Variants in MATN3 observed in about 807,000 individuals in gnomAD.
MATN3 encodes the protein matrilin 3.
Under a neutral mutation model 45.3 loss-of-function variants are expected in MATN3, and 48 were observed. The observed-to-expected ratio is 1.06, with a 90% CI of 0.84 to 1.35. MATN3 has a LOEUF of 1.35. MATN3 is among the 40% of genes most tolerant of loss of function. The pLI is 0.00. For missense variants in MATN3, 599 were observed against 628.0 expected (o/e 0.95, Z 0.49); for synonymous variants, 217 against 245.9 (o/e 0.88, Z 1.10).
At chr2:20,001,095 A>T (rs979435847) in intron 4 of MATN3, among the ~76,000 whole-genome samples, 10 of 152,190 alleles carry the variant, frequency 6.6e-5, no homozygotes, top group Admixed American at 3.3e-4. Flanking sequence ...TTTTACTTTT[A>T]AACTTTTCAT....
intron 2 of MATN3, among the ~76,000 whole-genome samples, chr2:20,005,150 G>T (rs1475960479): frequency 6.6e-6 from 1 of 152,086 alleles, no homozygotes; most frequent in Non-Finnish European, 1.5e-5. Flanking sequence ...ACCCTAATCT[G>T]CCTGGTCCCT....
intron 1 of MATN3, among the ~76,000 whole-genome samples, chr2:20,009,684 T>C (rs1473557591): frequency 6.6e-6 from 1 of 152,146 alleles, no homozygotes; most frequent in African/African-American, 2.4e-5. Context: ...TAGGAAACAT[T>C]TGTCATCTAT....
chr2:19,999,626 TAAAAAAAAAAA>T (rs56100312), intron 5 of MATN3, among the ~76,000 whole-genome samples: 15 of 120,176 alleles, frequency 1.2e-4, no homozygotes, highest in South Asian at 8.5e-4. Context: ...GGTTTCCCTT[TAAAAAAAAAAA>T]AAAAAAAAAA....
intron 1 of MATN3, among the ~76,000 whole-genome samples, chr2:20,010,682 G>A (rs1184062215): frequency 6.6e-6 from 1 of 152,202 alleles, no homozygotes; most frequent in African/African-American, 2.4e-5. Flanking sequence ...GAAGGGAAAT[G>A]CAGTCTCCCC....
intron 1 of MATN3, among the ~76,000 whole-genome samples, chr2:20,008,214 T>G (rs1209530002): frequency 3.9e-5 from 6 of 152,298 alleles, no homozygotes; most frequent in Non-Finnish European, 5.9e-5. Context: ...CCTCCCACCT[T>G]GGCCTCCCAG....
chr2:20,012,307 C>A lies in MATN3; in HGVS notation c.223+102G>T. On this transcript the variant is annotated intron_variant, in intron 1 of 7. Transcript: ENST00000407540. The surrounding 1 kb of genome is among the most constrained non-coding windows in gnomAD (Gnocchi z 4.3). ...TCATCCGGGAGGGGCCTCTTTCCCC[C>A]GCACCACGGTCGGCCTGAGGCCGGG... The A allele has an allele frequency of 2.2e-6, 2 of 916,482 alleles. No individual in the cohort carries two copies. The allele number at this position is 916,482 out of a possible 1,614,324, so 56.8% of individuals were successfully genotyped here.
chr2:20,007,542 G>T lies in MATN3; in HGVS notation c.224-1232C>A, dbSNP rs1673132207. Among the ~76,000 whole-genome samples the T allele has an allele frequency of 2.0e-5, 3 of 152,124 alleles. No homozygotes were observed. In the South Asian group the frequency reaches 6.2e-4, roughly 32 times the overall value. The stretch of plus-strand genomic sequence containing the variant: ...AAGACATCATCTCAAAAAAAAAGTA[G>T]AATGAGGGATGCCAACTTAATCTTG... On this transcript the variant is annotated intron_variant, in intron 1 of 7. Transcript: ENST00000407540.
intron 5 of MATN3, among the ~76,000 whole-genome samples, chr2:19,998,757 A>G (rs1276060417): frequency 8.9e-6 from 1 of 112,004 alleles, no homozygotes; most frequent in Non-Finnish European, 1.9e-5. Flanking sequence ...CCCTGTCTCA[A>G]AAAAGAGAAG....
intron 4 of MATN3, 86 bp downstream of exon 4, chr2:20,001,869 T>C: frequency 7.5e-7 from 1 of 1,334,032 alleles, no homozygotes. Context: ...CACACCAACT[T>C]CCCAGTCAAT....
chr2:20,003,386 A>G, intron 2 of MATN3, 100 bp from the exon 3 acceptor site: 1 of 1,192,486 alleles, frequency 8.4e-7, no homozygotes, highest in Non-Finnish European at 1.1e-6. Context: ...CTCCTTTCCG[A>G]GTCCATCTTT....
chr2:20,007,980 T>A (rs1673145082), intron 1 of MATN3, among the ~76,000 whole-genome samples: 1 of 152,224 alleles, frequency 6.6e-6, no homozygotes, highest in Non-Finnish European at 1.5e-5. Context: ...TTCTTTTTTT[T>A]GAGACGGAGT....
rs780843340 is a variant in MATN3, at chr2:19,997,275, G to A, written c.1169-16C>T. ...TTGTCACGGACTGACCGCACGTGGT[G>A]CAGGAAAGAAAATATTCACACATTA... On this transcript the variant is annotated splice_polypyrimidine_tract_variant and intron_variant, in intron 5 of 7. Coordinates refer to ENST00000407540, the MANE Select transcript of MATN3 (RefSeq NM_002381.5). The A allele has an allele frequency of 7.6e-6, 12 of 1,582,366 alleles. No individual in the cohort carries two copies. Among genetic ancestry groups the A allele is most frequent in the Middle Eastern group, 1.7e-4 (1 of 5,968 alleles).
chr2:20,004,383 G>A (rs1366086406), intron 2 of MATN3, among the ~76,000 whole-genome samples: 1 of 152,208 alleles, frequency 6.6e-6, no homozygotes, highest in Non-Finnish European at 1.5e-5. Flanking sequence ...CATGTTGATG[G>A]AGAGGCTCTC....
chr2:20,005,882 A>G lies in MATN3; in HGVS notation c.652T>C (p.Tyr218His). 6.2e-7 allele frequency: 1 copy of G among 1,609,604 alleles called. No homozygotes were observed. Among genetic ancestry groups the G allele is most frequent in the Non-Finnish European group, 8.5e-7 (1 of 1,177,958 alleles). ...TCTGCCCGGTCCACGCCCACAGCAT[A>G]GAGCTCAATACCAGATGCTTGGGCC... ...ARAQASGIEL[Y>H]AVGVDRADMA... Residue 218 changes from tyrosine (Y) to histidine (H), a missense_variant, in exon 2 of 8, where the codon TAT becomes CAT. Physicochemically the swap from Tyr to His is moderately conservative, Grantham distance 83 (BLOSUM62 2). Transcript: ENST00000407540.
chr2:19,999,678 C>CT (rs979332365), intron 5 of MATN3, among the ~76,000 whole-genome samples: 1 of 150,094 alleles, frequency 6.7e-6, no homozygotes, highest in African/African-American at 2.5e-5. Flanking sequence ...TGCCATTTCC[C>CT]TTTGTCTATC....
intron 7 of MATN3, among the ~76,000 whole-genome samples, chr2:19,993,859 A>G (rs1007388309): frequency 3.9e-5 from 6 of 152,188 alleles, no homozygotes; most frequent in African/African-American, 1.2e-4. Flanking sequence ...AGATTGTATC[A>G]TGTTACATTT....
chr2:19,998,830 T>C (rs1672930382), intron 5 of MATN3, among the ~76,000 whole-genome samples: 1 of 152,196 alleles, frequency 6.6e-6, no homozygotes, highest in African/African-American at 2.4e-5. Flanking sequence ...TCTGTCCCTC[T>C]TCACTGTCCT....
In MATN3 at chr2:19,992,533, C is replaced by T. The variant is rs1672777842; in HGVS notation, c.*578G>A. ...GAATTAAAAATGGCAATGTAATGTT[C>T]ACTTGATCTGTGTTAACTATTTTTA... On this transcript the variant is annotated 3_prime_UTR_variant, in exon 8 of 8. Transcript: ENST00000407540. 6.6e-6 allele frequency: 1 copy of T among 152,248 alleles called. No individual in the cohort carries two copies. Among genetic ancestry groups the T allele is most frequent in the Non-Finnish European group, 1.5e-5 (1 of 68,070 alleles). 9.4% of individuals were successfully genotyped at this position (152,248 alleles called of 1,614,324 possible).
Sources: gnomAD v4.1 joint callset for allele counts (sites outside exome capture counted in the v4.1 genomes callset) on GRCh38, gnomAD v4.1.1 for gene constraint, Gnocchi (gnomAD v3.1) non-coding constraint, MANE v1.5 for transcripts, NCBI Gene and HGNC (gene_info 2026-07-23, HGNC 2026-07-21) for gene names.